NPL: variants seen among roughly 807,000 people sequenced by gnomAD.
NPL encodes the protein N-acetylneuraminate lyase.
Under a neutral mutation model 41.1 loss-of-function variants are expected in NPL, and 32 were observed. The observed-to-expected ratio is 0.78, with a 90% CI of 0.59 to 1.05. NPL has a LOEUF of 1.05. Ranked by LOEUF, NPL falls within the 50% of genes least tolerant of loss-of-function variation. NPL has a pLI of 0.00. For synonymous variants in NPL, 128 were observed against 134.9 expected, an observed-to-expected ratio of 0.95 and a Z score of 0.35; for missense variants, 321 against 378.4, an observed-to-expected ratio of 0.85 and a Z score of 1.26.
In NPL at chr1:182,827,397, C is replaced by A. The variant is rs185424018; in HGVS notation, c.779-1327C>A. Among the ~76,000 whole-genome samples the A allele has an allele frequency of 5.3e-5, 8 of 152,218 alleles. No homozygotes were observed. The East Asian group carries it at 5.8e-4, about 11-fold the overall frequency. ...GTCTTTCTTTAGTTCTGAAAAAATTCTCTGTTATCTGTAAAGAATGTTTTG... is the reference window on the plus strand; with the variant it reads ...GTCTTTCTTTAGTTCTGAAAAAATTATCTGTTATCTGTAAAGAATGTTTTG... On this transcript the variant is annotated intron_variant, in intron 12 of 12. Coordinates refer to ENST00000367553, the MANE Select transcript of NPL (RefSeq NM_030769.3).
intron 5 of NPL, among the ~76,000 whole-genome samples, chr1:182,806,833 TTTTTTG>T (rs1376603389): frequency 5.3e-5 from 8 of 152,080 alleles, no homozygotes; most frequent in Non-Finnish European, 1.0e-4. Context: ...CTAAGTTTGT[TTTTTTG>T]TTTTTGTTTT....
chr1:182,812,846 G>A lies in NPL; in HGVS notation c.288+633G>A, dbSNP rs141025726. On this transcript the variant is annotated intron_variant, in intron 6 of 12. Transcript: ENST00000367553. ...GAGGAAGGGGTTAAAGTTCCTGGCAGAAAAGCAGGTGGTGTGGTGATTCTG... is the reference window on the plus strand; with the variant it reads ...GAGGAAGGGGTTAAAGTTCCTGGCAAAAAAGCAGGTGGTGTGGTGATTCTG... Among the ~76,000 whole-genome samples, 24 of 152,114 alleles carry A rather than the reference G, an allele frequency of 1.6e-4. No individual in the cohort carries two copies. In the East Asian group the frequency reaches 4.4e-3, roughly 28 times the overall value.
At position 182,818,635 on chromosome 1, in the gene NPL, A is replaced by G. The variant is rs1571272094; in HGVS notation, c.552A>G (p.Gln184=). 6.2e-7 allele frequency: 1 copy of G among 1,614,210 alleles called. No homozygotes were observed. Among genetic ancestry groups the G allele is most frequent in the African/African-American group, 1.3e-5 (1 of 75,048 alleles). The change falls in exon 9 of 13, where the codon CAA becomes CAG. Residue 184 remains glutamine, a synonymous_variant. Coordinates refer to ENST00000367553, the MANE Select transcript of NPL (RefSeq NM_030769.3). ...FSDTDLLDFG[Q]CVDQNRQQQF... ...ATACAGATCTCTTAGACTTCGGGCA[A>G]TGTGTTGATCAGAATCGCCAGCAAC...
chr1:182,795,981 GTTC>G (rs980993217), intron 3 of NPL: 15 of 152,068 alleles, frequency 9.9e-5, no homozygotes, highest in African/African-American at 3.4e-4. Context: ...ATGTCAGTGT[GTTC>G]TTCCTCCCTG....
chr1:182,814,909 TG>T, intron 7 of NPL, 51 bp downstream of exon 7: 1 of 1,407,930 alleles, frequency 7.1e-7, no homozygotes. Flanking sequence ...CACTTCTTCT[TG>T]CCTCCATTCA....
intron 10 of NPL, among the ~76,000 whole-genome samples, chr1:182,819,587 G>A (rs1320417271): frequency 6.6e-6 from 1 of 151,986 alleles, no homozygotes; most frequent in African/African-American, 2.4e-5. Context: ...CTCCAGCCTG[G>A]GTGACAGAGT....
rs1285842011 is a variant in NPL at position 182,829,694 on chromosome 1, C to T, written c.*786C>T. The T allele has an allele frequency of 2.8e-6, 4 of 1,424,728 alleles. No homozygotes were observed. In the African/African-American group the frequency reaches 4.3e-5, roughly 15 times the overall value. The allele number at this position is 1,424,728 out of a possible 1,614,324, so 88.3% of individuals were successfully genotyped here. On this transcript the variant is annotated 3_prime_UTR_variant, in exon 13 of 13. Transcript: ENST00000367553. ...TCCTCCACTGAGAAGACTGTCTCTCCCGCAGGACCCTGAATTATTGAAATC... is the reference window on the plus strand; with the variant it reads ...TCCTCCACTGAGAAGACTGTCTCTCTCGCAGGACCCTGAATTATTGAAATC...
chr1:182,826,752 G>A (rs1459314949), intron 12 of NPL: 1 of 152,154 alleles, frequency 6.6e-6, no homozygotes, highest in Non-Finnish European at 1.5e-5. Flanking sequence ...CATTAAAATA[G>A]GTATTGAACT....
intron 3 of NPL, among the ~76,000 whole-genome samples, chr1:182,796,841 C>G (rs1464283275): frequency 6.6e-6 from 1 of 152,052 alleles, no homozygotes; most frequent in Non-Finnish European, 1.5e-5. Flanking sequence ...TCGAGACCAT[C>G]CTGGTCAACA....
intron 9 of NPL, 41 bp downstream of exon 9, chr1:182,818,730 C>A: frequency 1.2e-6 from 2 of 1,614,118 alleles, no homozygotes; most frequent in Non-Finnish European, 8.5e-7. Flanking sequence ...TCAGTTCCCT[C>A]CAAAACAATT....
intron 12 of NPL, among the ~76,000 whole-genome samples, chr1:182,827,493 C>T (rs1454943461): frequency 6.6e-6 from 1 of 152,082 alleles, no homozygotes; most frequent in East Asian, 1.9e-4. Flanking sequence ...ATCTGTATCT[C>T]AATTTTAAAA....
chr1:182,816,818 T>G lies in NPL; in HGVS notation c.457+12T>G, dbSNP rs202225843. On this transcript the variant is annotated intron_variant, in intron 8 of 12. Transcript: ENST00000367553. ...GACAGGGGTAAAGAGTAAGTACTGC[T>G]TCTGTTGATCTTTCTTTCCTTCCAA... 2 of 1,587,178 alleles carry G rather than the reference T, an allele frequency of 1.3e-6. No homozygotes were observed. The highest frequency in any genetic ancestry group is 3.3e-5 in the Admixed American group (2 of 59,950).
At chr1:182,798,569 T>G (rs921968724) in intron 3 of NPL, among the ~76,000 whole-genome samples, 1 of 152,158 alleles carries the variant, frequency 6.6e-6, no homozygotes, top group South Asian at 2.1e-4. Context: ...CACTTTTTCT[T>G]TGGGCAGGCT....
At chr1:182,813,636 C>T (rs1667242031) in intron 6 of NPL, among the ~76,000 whole-genome samples, 1 of 152,074 alleles carries the variant, frequency 6.6e-6, no homozygotes, top group African/African-American at 2.4e-5. Context: ...GACTGAACAC[C>T]CGAATAGTAT....
intron 5 of NPL, among the ~76,000 whole-genome samples, chr1:182,807,878 G>A (rs1667066522): frequency 1.5e-5 from 2 of 137,838 alleles, no homozygotes; most frequent in African/African-American, 2.8e-5. Context: ...GTGACAGAGT[G>A]AGACTCCATC....
At chr1:182,827,249 A>C (rs531034204) in intron 12 of NPL, among the ~76,000 whole-genome samples, 14 of 152,244 alleles carry the variant, frequency 9.2e-5, no homozygotes, top group Non-Finnish European at 1.9e-4. Flanking sequence ...CCAGCTAAGA[A>C]AACAAATTAC....
At chr1:182,792,540 G>A (rs553314277) in intron 2 of NPL, among the ~76,000 whole-genome samples, 1 of 152,172 alleles carries the variant, frequency 6.6e-6, no homozygotes. Context: ...CCTGCTTATT[G>A]TACTGAGGGT....
In NPL at chr1:182,790,127, A is replaced by C. The variant is rs79805818; in HGVS notation, c.-72+322A>C. On this transcript the variant is annotated intron_variant, in intron 1 of 12. Transcript: ENST00000367553. ...AAGAGAGCTTAAAGTTAAACCTGAT[A>C]CATCCCCCCTTCACTTGAGGAGAAA... Among the ~76,000 whole-genome samples the C allele has an allele frequency of 5.0e-3, 761 of 152,282 alleles. 6 individuals carry two copies. Among genetic ancestry groups the C allele is most frequent in the African/African-American group, 0.017 (697 of 41,544 alleles).
chr1:182,801,078 A>T (rs971600252), intron 3 of NPL, among the ~76,000 whole-genome samples: 20 of 152,196 alleles, frequency 1.3e-4, no homozygotes, highest in Middle Eastern at 3.4e-3. Context: ...TCATTTTTTT[A>T]AAGAAAAAAT....
Sources: allele counts gnomAD v4.1 joint callset (sites outside exome capture counted in the v4.1 genomes callset), GRCh38; gene constraint gnomAD v4.1.1; transcripts MANE v1.5; gene names NCBI Gene and HGNC (gene_info 2026-07-23, HGNC 2026-07-21).